UGT3A1: variants seen among roughly 807,000 people sequenced by gnomAD.
UGT3A1 encodes UDP-glycosyltransferase 3A1.
A neutral mutation model predicts 37.6 loss-of-function variants in UGT3A1; 40 were observed. That is an observed-to-expected ratio of 1.06 (90% confidence interval 0.83 to 1.38). The LOEUF (loss-of-function observed/expected upper bound fraction) is 1.38. Among genes scored for constraint, UGT3A1 ranks in the 40% most tolerant of loss-of-function variants. UGT3A1 has a pLI of 0.00. For missense variants in UGT3A1, 642 were observed against 634.2 expected (o/e 1.01, Z -0.13); for synonymous variants, 256 against 232.3 (o/e 1.10, Z -0.93).
chr5:35,992,673 T>C (rs1430654867), upstream of UGT3A1, among the ~76,000 whole-genome samples: 1 of 152,132 alleles, frequency 6.6e-6, no homozygotes, highest in Non-Finnish European at 1.5e-5. Context: ...GAAAGAGATA[T>C]GAAAGGTCAG....
intron 6 of UGT3A1, 39 bp from the exon 7 acceptor site, chr5:35,954,517 C>T (rs372436267): frequency 2.1e-5 from 34 of 1,601,304 alleles, no homozygotes; most frequent in Non-Finnish European, 2.8e-5. Context: ...ACTGACGTAG[C>T]CTCACAAGTC....
chr5:35,960,595 C>A (rs533893723), intron 4 of UGT3A1, among the ~76,000 whole-genome samples: 2 of 152,244 alleles, frequency 1.3e-5, no homozygotes, highest in Admixed American at 1.3e-4. Flanking sequence ...AGGGTGGGTG[C>A]CTGCAACTCC....
Position 35,951,778 on chromosome 5 carries a change from T to C in UGT3A1, c.*2424A>G, listed in dbSNP as rs1211964248. The C allele has an allele frequency of 1.3e-5, 2 of 152,208 alleles. No homozygotes were observed. The highest frequency in any genetic ancestry group is 2.9e-5 in the Non-Finnish European group (2 of 68,032). 9.4% of individuals were successfully genotyped at this position (152,208 alleles called of 1,614,324 possible). ...AAAGTCTCTCCCTATACACAGGCTA[T>C]GGAAAAATTCACTTTTTCTCTTAGA... On this transcript the variant is annotated 3_prime_UTR_variant, in exon 7 of 7. Transcript: ENST00000274278.
At chr5:35,958,271 T>C (rs1042725519) in intron 4 of UGT3A1, among the ~76,000 whole-genome samples, 1 of 152,230 alleles carries the variant, frequency 6.6e-6, no homozygotes, top group African/African-American at 2.4e-5. Flanking sequence ...CAGGTAATTC[T>C]TAAGAAAGAT....
At chr5:35,964,379 C>T (rs1480040124) in intron 4 of UGT3A1, among the ~76,000 whole-genome samples, 1 of 152,156 alleles carries the variant, frequency 6.6e-6, no homozygotes, top group African/African-American at 2.4e-5. Flanking sequence ...ATCTCACTTG[C>T]ACCTCCACAT....
intron 2 of UGT3A1, among the ~76,000 whole-genome samples, chr5:35,996,889 G>T (rs1389728517): frequency 6.6e-6 from 1 of 152,154 alleles, no homozygotes; most frequent in Non-Finnish European, 1.5e-5. Flanking sequence ...CAGAGCACTT[G>T]CTAAAGGATG....
At chr5:35,980,061 G>A (rs1580950326) in intron 2 of UGT3A1, among the ~76,000 whole-genome samples, 1 of 152,160 alleles carries the variant, frequency 6.6e-6, no homozygotes, top group Admixed American at 6.5e-5. Flanking sequence ...TGAGATTCTG[G>A]TGGGGACACA....
chr5:35,968,892 T>C (rs1003303162), intron 2 of UGT3A1, among the ~76,000 whole-genome samples: 1 of 152,192 alleles, frequency 6.6e-6, no homozygotes. Context: ...GTTTCAATAA[T>C]TTGCATTGTG....
rs970779747 is a variant in UGT3A1 at position 35,991,172 on chromosome 5, G to C, written c.69C>G (p.Ala23=). ...LLSGVLLSEA[A]KILTISTLGG... ...CCAGTGTAGATATTGTCAGGATTTT[G>C]GCAGCCTCTGAGAGCAGGACCCCAG... Residue 23 remains alanine (A), a synonymous_variant, in exon 1 of 7, where the codon GCC becomes GCG. Coordinates refer to ENST00000274278, the MANE Select transcript of UGT3A1 (RefSeq NM_152404.4). 1.2e-6 allele frequency: 2 copies of C among 1,613,618 alleles called. No homozygotes were observed. Among genetic ancestry groups the C allele is most frequent in the Admixed American group, 3.3e-5 (2 of 59,966 alleles).
chr5:35,960,122 T>G (rs924706564), intron 4 of UGT3A1, among the ~76,000 whole-genome samples: 3 of 152,206 alleles, frequency 2.0e-5, no homozygotes, highest in Admixed American at 2.0e-4. Context: ...TCCAAAGGGA[T>G]GTACATATTC....
In UGT3A1 at chr5:35,954,418, TGC is replaced by T; in HGVS notation, c.1354_1355del (p.Ala452ThrfsTer30). The stretch of plus-strand genomic sequence containing the variant: ...GGTCGATCCAGCCCACCAGCCGCTG[TGC>T]GGGGCTCAGGGGCTGAGAGTGCAGG... ...VILHSQPLSP[A>X]QRLVGWIDHI... On this transcript the variant is annotated frameshift_variant, in exon 7 of 7. Transcript: ENST00000274278. LOFTEE classifies it low-confidence loss of function (END_TRUNC). 6.2e-7 allele frequency: 1 copy of T among 1,614,228 alleles called. No homozygotes were observed. Among genetic ancestry groups the T allele is most frequent in the Non-Finnish European group, 8.5e-7 (1 of 1,180,042 alleles).
At chr5:35,976,844 T>TA (rs1740291342) in intron 2 of UGT3A1, among the ~76,000 whole-genome samples, 6 of 84,302 alleles carry the variant, frequency 7.1e-5, no homozygotes, top group African/African-American at 2.8e-4. Context: ...AAAAATAATA[T>TA]GAAAGAAAAA....
intron 2 of UGT3A1, 93 bp downstream of exon 2, chr5:35,988,357 A>C (rs1055873102): frequency 1.2e-6 from 1 of 865,260 alleles, no homozygotes; most frequent in Non-Finnish European, 1.8e-6. Flanking sequence ...GACTAGATTC[A>C]AAGAAGTTTT....
intron 5 of UGT3A1, among the ~76,000 whole-genome samples, chr5:35,956,118 G>C (rs1433722557): frequency 3.3e-5 from 5 of 152,232 alleles, no homozygotes; most frequent in Non-Finnish European, 1.5e-5. Flanking sequence ...AGAGAAGAAT[G>C]ATAAGCAAGG....
chr5:35,981,637 G>A (rs1471127520), intron 2 of UGT3A1, among the ~76,000 whole-genome samples: 2 of 152,158 alleles, frequency 1.3e-5, no homozygotes, highest in Admixed American at 1.3e-4. Context: ...TAAGAAAAGA[G>A]AACTTATATT....
chr5:35,966,069 G>GCTCTGGTCA, intron 3 of UGT3A1, 152 bp from the exon 4 acceptor site: 1 of 619,768 alleles, frequency 1.6e-6, no homozygotes, highest in Admixed American at 3.6e-5. Flanking sequence ...AATACTCTCA[G>GCTCTGGTCA]CTCTGGTCAC....
intron 2 of UGT3A1, among the ~76,000 whole-genome samples, chr5:35,971,759 C>T (rs1740048688): frequency 6.6e-6 from 1 of 152,234 alleles, no homozygotes; most frequent in South Asian, 2.1e-4. Context: ...CTGGGAGGGG[C>T]AAACTGTAAA....
chr5:35,996,572 C>T (rs1171305420), intron 2 of UGT3A1, among the ~76,000 whole-genome samples: 3 of 152,152 alleles, frequency 2.0e-5, no homozygotes, highest in African/African-American at 4.8e-5. Context: ...TTCTAATATG[C>T]CCTGGGGCCC....
Position 35,951,643 on chromosome 5 carries a change from T to G in UGT3A1, c.*2559A>C, listed in dbSNP as rs1360377539. On this transcript the variant is annotated 3_prime_UTR_variant, in exon 7 of 7. Coordinates refer to ENST00000274278, the MANE Select transcript of UGT3A1 (RefSeq NM_152404.4). ...GCTGCAGCTATGTTTCTCCAACTTT[T>G]TAATTTGGATCGCTAATCTTCTTAC... The G allele has an allele frequency of 6.6e-6, 1 of 152,236 alleles. No individual in the cohort carries two copies. The highest frequency in any genetic ancestry group is 1.9e-4 in the East Asian group (1 of 5,196). 9.4% of individuals were successfully genotyped at this position (152,236 alleles called of 1,614,324 possible).
Sources: allele counts gnomAD v4.1 joint callset (sites outside exome capture counted in the v4.1 genomes callset), GRCh38; gene constraint gnomAD v4.1.1; transcripts MANE v1.5; gene names NCBI Gene and HGNC (gene_info 2026-07-23, HGNC 2026-07-21).